KCNG3: variants seen among roughly 807,000 people sequenced by gnomAD.
KCNG3 encodes the protein voltage-gated potassium channel regulatory subunit KCNG3.
A neutral mutation model predicts 29.0 loss-of-function variants in KCNG3; 15 were observed. That is an observed-to-expected ratio of 0.52 (90% CI 0.35 to 0.80). KCNG3 has a LOEUF of 0.80. KCNG3 is among the 30% of genes least tolerant of loss of function. The pLI, the probability that KCNG3 is intolerant of heterozygous loss-of-function variation, is 0.01. For synonymous variants in KCNG3, 322 were observed against 248.9 expected (o/e 1.29, Z -2.76); for missense variants, 512 against 605.7 (o/e 0.85, Z 1.62).
chr2:42,444,771 G>GA lies in KCNG3; in HGVS notation c.666-193dup, dbSNP rs1231194601. Among the ~76,000 whole-genome samples the GA allele has an allele frequency of 6.6e-6, 1 of 152,026 alleles. No individual in the cohort carries two copies. The highest frequency in any genetic ancestry group is 2.4e-5 in the African/African-American group (1 of 41,378). ...AACAGAACAACAAATCAATTCAGAT[G>GA]AAAATTGAGACCAGGTGCAGTGGCT... is the stretch of plus-strand genomic sequence containing the variant. On this transcript the variant is annotated intron_variant, in intron 1 of 1. Transcript: ENST00000306078. This position sits in a 1 kb window ranked among gnomAD's most constrained non-coding sequence, Gnocchi z 5.8.
intron 1 of KCNG3, among the ~76,000 whole-genome samples, chr2:42,478,750 G>A (rs1673505089): frequency 6.6e-6 from 1 of 152,090 alleles, no homozygotes; most frequent in Admixed American, 6.6e-5. Flanking sequence ...CTACTTGAGG[G>A]CAAGGGTCCC....
intron 1 of KCNG3, among the ~76,000 whole-genome samples, chr2:42,455,259 G>A (rs919943290): frequency 6.6e-6 from 1 of 152,104 alleles, no homozygotes; most frequent in Non-Finnish European, 1.5e-5. Context: ...GAGCCACCAC[G>A]CCCAGCAAGT....
chr2:42,420,901 T>C, the KCNG3 span, among the ~76,000 whole-genome samples: 14 of 152,312 alleles, frequency 9.2e-5, no homozygotes, highest in South Asian at 2.1e-4. Context: ...TTTAAAAAAA[T>C]TGAATTGACC....
the KCNG3 span, among the ~76,000 whole-genome samples, chr2:42,428,460 A>G: frequency 7.0e-5 from 9 of 127,898 alleles, no homozygotes; most frequent in Middle Eastern, 3.9e-3. Context: ...CGGTCTCGGG[A>G]AAAAAAAAAA....
At chr2:42,462,543 G>A (rs1239271284) in intron 1 of KCNG3, among the ~76,000 whole-genome samples, 4 of 152,196 alleles carry the variant, frequency 2.6e-5, no homozygotes, top group South Asian at 4.1e-4. Context: ...TTAGCCGGGC[G>A]TGGTGGCACG....
chr2:42,431,208 G>A, the KCNG3 span, among the ~76,000 whole-genome samples: 10 of 151,924 alleles, frequency 6.6e-5, no homozygotes, highest in South Asian at 1.0e-3. Context: ...AGCAGCCAAT[G>A]ACTAATAATT....
At chr2:42,469,859 G>C (rs566474907) in intron 1 of KCNG3, 8 of 219,044 alleles carry the variant, frequency 3.7e-5, no homozygotes, top group Non-Finnish European at 6.2e-5. Context: ...GTCCTGGTTG[G>C]CTCTACCCTA....
At chr2:42,435,401 A>C in the KCNG3 span, among the ~76,000 whole-genome samples, 1 of 152,208 alleles carries the variant, frequency 6.6e-6, no homozygotes, top group East Asian at 1.9e-4. Flanking sequence ...AAAAGAGACA[A>C]GAGAAAAAAC....
At chr2:42,399,348 C>T in the KCNG3 span, among the ~76,000 whole-genome samples, 43 of 152,056 alleles carry the variant, frequency 2.8e-4, no homozygotes, top group African/African-American at 9.4e-4. Context: ...CGTGAGCCAC[C>T]GCGCCCGGCC....
At chr2:42,427,260 G>C in the KCNG3 span, among the ~76,000 whole-genome samples, 4 of 152,194 alleles carry the variant, frequency 2.6e-5, no homozygotes, top group African/African-American at 7.2e-5. Context: ...GAGGTGGTTA[G>C]TTTATTGATC....
chr2:42,392,450 CAA>C, the KCNG3 span, among the ~76,000 whole-genome samples: 1 of 152,136 alleles, frequency 6.6e-6, no homozygotes, highest in Non-Finnish European at 1.5e-5. Flanking sequence ...TTCTCTAATA[CAA>C]CACTGTGGTG....
chr2:42,397,434 A>G, the KCNG3 span, among the ~76,000 whole-genome samples: 1 of 152,208 alleles, frequency 6.6e-6, no homozygotes, highest in Non-Finnish European at 1.5e-5. Flanking sequence ...TACTTACAGG[A>G]GGAGAAAGAG....
At chr2:42,408,983 G>A in the KCNG3 span, among the ~76,000 whole-genome samples, 148 of 152,238 alleles carry the variant, frequency 9.7e-4, no homozygotes, top group African/African-American at 3.2e-3. Context: ...GGTGGTACCT[G>A]GTCCGGCCGC....
chr2:42,474,419 T>C (rs1673372159), intron 1 of KCNG3, among the ~76,000 whole-genome samples: 1 of 151,728 alleles, frequency 6.6e-6, no homozygotes, highest in Non-Finnish European at 1.5e-5. Context: ...TCCCAGCTAC[T>C]CGGGAGGCTG....
chr2:42,472,348 G>A (rs1204643600), intron 1 of KCNG3, among the ~76,000 whole-genome samples: 2 of 152,142 alleles, frequency 1.3e-5, no homozygotes, highest in Non-Finnish European at 2.9e-5. Flanking sequence ...TATAAAAACA[G>A]TGTATGCAAA....
chr2:42,484,389 G>C (rs1055432368), intron 1 of KCNG3, among the ~76,000 whole-genome samples: 1 of 152,142 alleles, frequency 6.6e-6, no homozygotes, highest in Non-Finnish European at 1.5e-5. Flanking sequence ...TTGAACCAGG[G>C]AGGCGGAGAT....
intron 1 of KCNG3, among the ~76,000 whole-genome samples, chr2:42,454,987 T>C (rs1672844400): frequency 6.6e-6 from 1 of 152,152 alleles, no homozygotes; most frequent in African/African-American, 2.4e-5. Flanking sequence ...TATGAATATA[T>C]TATACTTAAC....
chr2:42,436,927 G>T, the KCNG3 span, among the ~76,000 whole-genome samples: 1 of 152,144 alleles, frequency 6.6e-6, no homozygotes, highest in African/African-American at 2.4e-5. Flanking sequence ...CATGAAAAAT[G>T]AAATTTTTTT....
intron 1 of KCNG3, among the ~76,000 whole-genome samples, chr2:42,450,741 T>G (rs1354022840): frequency 1.3e-5 from 2 of 152,180 alleles, no homozygotes; most frequent in Non-Finnish European, 2.9e-5. Flanking sequence ...TTTCCCCTAG[T>G]ATCTCCGCTT....
Sources: gnomAD v4.1 joint callset for allele counts (sites outside exome capture counted in the v4.1 genomes callset) on GRCh38, gnomAD v4.1.1 for gene constraint, Gnocchi (gnomAD v3.1) non-coding constraint, MANE v1.5 for transcripts, NCBI Gene and HGNC (gene_info 2026-07-23, HGNC 2026-07-21) for gene names.